The following RB1CC1 variants were observed in gnomAD, a reference collection of about 807,000 sequenced individuals.
The protein encoded by RB1CC1 is RB1 inducible coiled-coil 1, also known as RB1-inducible coiled-coil protein 1.
A neutral mutation model predicts 177.5 loss-of-function variants in RB1CC1; 46 were observed. That is an observed-to-expected ratio of 0.26 (90% CI 0.20 to 0.33). RB1CC1 has a LOEUF of 0.33. RB1CC1 is among the 10% of genes least tolerant of loss of function. The pLI, the probability that RB1CC1 is intolerant of heterozygous loss-of-function variation, is 1.00. For synonymous variants in RB1CC1, 666 were observed against 613.6 expected, an observed-to-expected ratio of 1.09 and a Z score of -1.26; for missense variants, 1,703 against 1,816.3, an observed-to-expected ratio of 0.94 and a Z score of 1.13.
chr8:52,699,674 C>G (rs1167918136), intron 1 of RB1CC1, among the ~76,000 whole-genome samples: 1 of 147,594 alleles, frequency 6.8e-6, no homozygotes, highest in African/African-American at 2.5e-5. Context: ...ACAAAATTAG[C>G]TGGGCATGGT....
At chr8:52,664,995 TAGAG>T (rs151231249) in intron 8 of RB1CC1, among the ~76,000 whole-genome samples, 6 of 151,980 alleles carry the variant, frequency 3.9e-5, no homozygotes, top group African/African-American at 4.8e-5. Context: ...AAAGAAAAAG[TAGAG>T]AGAGAAAAAT....
chr8:52,643,596 G>A (rs141242332), intron 16 of RB1CC1, among the ~76,000 whole-genome samples: 1 of 151,598 alleles, frequency 6.6e-6, no homozygotes, highest in Non-Finnish European at 1.5e-5. Flanking sequence ...GGCTAAGGAG[G>A]GAGGACTGCT....
chr8:52,657,960 CACT>C, intron 14 of RB1CC1, 35 bp downstream of exon 14: 1 of 1,613,092 alleles, frequency 6.2e-7, no homozygotes, highest in Non-Finnish European at 8.5e-7. Flanking sequence ...AAACATTTTA[CACT>C]AATGAAGAAA....
chr8:52,714,309 C>A lies in RB1CC1; in HGVS notation c.-401G>T, dbSNP rs1031619949. The stretch of plus-strand genomic sequence containing the variant: ...AGGCCCCTCGGCTCTGGGTCTGGGG[C>A]CGGGGGACAGAAGGCCGCGGCCTGT... On this transcript the variant is annotated 5_prime_UTR_variant, in exon 1 of 24. Coordinates refer to ENST00000025008, the MANE Select transcript of RB1CC1 (RefSeq NM_014781.5). The A allele has an allele frequency of 5.5e-5, 9 of 163,956 alleles. No individual in the cohort carries two copies. Among genetic ancestry groups the A allele is most frequent in the Non-Finnish European group, 1.2e-4 (9 of 74,084 alleles). 10.2% of individuals were successfully genotyped at this position (163,956 alleles called of 1,614,324 possible).
intron 12 of RB1CC1, among the ~76,000 whole-genome samples, chr8:52,659,924 G>A (rs1851463658): frequency 6.6e-6 from 1 of 152,190 alleles, no homozygotes; most frequent in Non-Finnish European, 1.5e-5. Flanking sequence ...TTGAACCCAG[G>A]AGGCTGAGGT....
intron 1 of RB1CC1, among the ~76,000 whole-genome samples, chr8:52,711,536 AATAT>A (rs2150733653): frequency 6.6e-6 from 1 of 152,310 alleles, no homozygotes; most frequent in South Asian, 2.1e-4. Flanking sequence ...CCTATAAATA[AATAT>A]ATATACATAG....
Position 52,623,723 on chromosome 8 carries a change from G to T in RB1CC1, c.*59C>A. 1 of 1,223,712 alleles carries T rather than the reference G, an allele frequency of 8.2e-7. No homozygotes were observed. The highest frequency in any genetic ancestry group is 1.2e-5 in the South Asian group (1 of 81,824). 75.8% of individuals were successfully genotyped at this position (1,223,712 alleles called of 1,614,324 possible). A position where few individuals can be genotyped will look rare whatever the true frequency, so the allele number is the denominator to read the frequency against. On this transcript the variant is annotated 3_prime_UTR_variant, in exon 24 of 24. Transcript: ENST00000025008. ...GCCTGCTGTTTTTGGAGTGATGAAT[G>T]AGCACTGCAGGACAAATCAGAAAAA... is the stretch of plus-strand genomic sequence containing the variant.
At chr8:52,670,986 A>G (rs952298411) in intron 7 of RB1CC1, among the ~76,000 whole-genome samples, 1 of 152,202 alleles carries the variant, frequency 6.6e-6, no homozygotes, top group African/African-American at 2.4e-5. Flanking sequence ...TTTAGCAAGA[A>G]TACACTAAAA....
At position 52,682,812 on chromosome 8, in the gene RB1CC1, T is replaced by C. The variant is rs574224019; in HGVS notation, c.369+737A>G. 7.9e-5 allele frequency among the ~76,000 whole-genome samples: 12 copies of C among 152,308 alleles called. 1 individual carries two copies. In the South Asian group the frequency reaches 2.5e-3, roughly 32 times the overall value. On this transcript the variant is annotated intron_variant, in intron 5 of 23. Transcript: ENST00000025008. Reference sequence around the variant, plus strand: ...TTTGGACTCTCAAATGTTTATTAAATATGTTTCACACAGATGAGGTTATTT... The same window carrying C: ...TTTGGACTCTCAAATGTTTATTAAACATGTTTCACACAGATGAGGTTATTT...
chr8:52,707,428 CTTTCTTTTTTTT>C (rs1856667719), intron 1 of RB1CC1, among the ~76,000 whole-genome samples: 1 of 120,208 alleles, frequency 8.3e-6, no homozygotes, highest in Non-Finnish European at 1.8e-5. Context: ...CTTTTTCTTT[CTTTCTTTTTTTT>C]TTTTTTTTTT....
chr8:52,650,296 C>A (rs1255883786), intron 15 of RB1CC1, among the ~76,000 whole-genome samples: 1 of 152,230 alleles, frequency 6.6e-6, no homozygotes, highest in Non-Finnish European at 1.5e-5. Flanking sequence ...AAGATACCCA[C>A]ACCTGACCTG....
intron 7 of RB1CC1, among the ~76,000 whole-genome samples, chr8:52,672,434 C>A (rs1287747745): frequency 6.6e-6 from 1 of 152,136 alleles, no homozygotes; most frequent in African/African-American, 2.4e-5. Flanking sequence ...TGACATCTGG[C>A]ACAGCTTAAT....
rs1199691855 is a variant in RB1CC1 at position 52,657,231 on chromosome 8, T to G, written c.2598A>C (p.Glu866Asp). Residue 866 changes from glutamate (E) to aspartate (D), a missense_variant, in exon 15 of 24, where the codon GAA becomes GAC. Physicochemically the swap from Glu to Asp is conservative, Grantham distance 45 (BLOSUM62 2). Coordinates refer to ENST00000025008, the MANE Select transcript of RB1CC1 (RefSeq NM_014781.5). ...EITLKEKHQK[E>D]LLSLKNEYEG... ...CATATTCATTTTTTAAAGACAGTAG[T>G]TCTTTTTGATGTTTTTCTTTTAGTG... 1 of 1,594,304 alleles carries G rather than the reference T, an allele frequency of 6.3e-7. No homozygotes were observed. Among genetic ancestry groups the G allele is most frequent in the African/African-American group, 1.3e-5 (1 of 74,146 alleles).
intron 20 of RB1CC1, among the ~76,000 whole-genome samples, chr8:52,631,620 A>C (rs771108018): frequency 8.5e-5 from 13 of 152,166 alleles, no homozygotes; most frequent in Non-Finnish European, 1.8e-4. Context: ...TCAAGACACA[A>C]AAATGTCTAC....
At chr8:52,634,810 A>C in intron 20 of RB1CC1, 111 bp downstream of exon 20, 1 of 925,564 alleles carries the variant, frequency 1.1e-6, no homozygotes, top group Non-Finnish European at 1.6e-6. Context: ...CAAACCTACT[A>C]TAGATAAGTC....
At chr8:52,647,276 A>G (rs1313462016) in intron 15 of RB1CC1, among the ~76,000 whole-genome samples, 1 of 152,202 alleles carries the variant, frequency 6.6e-6, no homozygotes, top group Non-Finnish European at 1.5e-5. Context: ...TTGAAACATA[A>G]TATCTCTATC....
At chr8:52,706,204 CAA>C (rs1462800079) in intron 1 of RB1CC1, among the ~76,000 whole-genome samples, 1 of 151,508 alleles carries the variant, frequency 6.6e-6, no homozygotes, top group Non-Finnish European at 1.5e-5. Context: ...TTTGTTGCAC[CAA>C]AAGAGTTAGT....
At chr8:52,705,471 T>C (rs1041978039) in intron 1 of RB1CC1, among the ~76,000 whole-genome samples, 3 of 152,198 alleles carry the variant, frequency 2.0e-5, no homozygotes, top group Non-Finnish European at 4.4e-5. Flanking sequence ...AGATTAACAG[T>C]GGGTCCACTG....
intron 10 of RB1CC1, 42 bp downstream of exon 10, chr8:52,661,053 T>C (rs1851579516): frequency 6.2e-7 from 1 of 1,611,292 alleles, no homozygotes; most frequent in African/African-American, 1.3e-5. Context: ...CACCAATTCG[T>C]TAAAGTTCAT....
Sources: allele counts gnomAD v4.1 joint callset (sites outside exome capture counted in the v4.1 genomes callset), GRCh38; gene constraint gnomAD v4.1.1; transcripts MANE v1.5; gene names NCBI Gene and HGNC (gene_info 2026-07-23, HGNC 2026-07-21).